CECR2: variants seen among roughly 807,000 people sequenced by gnomAD.
The protein encoded by CECR2 is CECR2 histone acetyl-lysine reader.
Under a neutral mutation model 154.5 loss-of-function variants are expected in CECR2, and 30 were observed. The ratio of observed to expected loss-of-function variants is 0.19; its 90% CI spans 0.15 to 0.26. CECR2 has a LOEUF of 0.26. Among genes scored for constraint, CECR2 ranks in the 10% least tolerant of loss-of-function variants. The pLI is 1.00. For synonymous variants in CECR2, 725 were observed against 683.7 expected, an observed-to-expected ratio of 1.06 and a Z score of -0.94; for missense variants, 1,743 against 1,829.3, an observed-to-expected ratio of 0.95 and a Z score of 0.86.
chr22:17,445,351 G>T (rs2054642784), intron 1 of CECR2, among the ~76,000 whole-genome samples: 1 of 151,964 alleles, frequency 6.6e-6, no homozygotes, highest in African/African-American at 2.4e-5. Flanking sequence ...AATAATAAAT[G>T]AACTCATGAA....
rs376429488 is a variant in CECR2 at position 17,421,471 on chromosome 22, C to T, written c.126+51562C>T. Among the ~76,000 whole-genome samples the T allele has an allele frequency of 4.9e-4, 75 of 151,956 alleles. 2 individuals carry two copies. Among genetic ancestry groups the T allele is most frequent in the African/African-American group, 1.5e-3 (62 of 41,432 alleles). On this transcript the variant is annotated intron_variant, in intron 1 of 18. Coordinates refer to ENST00000262608, the MANE Select transcript of CECR2 (RefSeq NM_001290047.2). ...TCTACTAAAAATACAAAAAATTAGT[C>T]GGGTGTAGTGGCGGGCGCCTGTAGT...
At chr22:17,414,201 T>C (rs905682345) in intron 1 of CECR2, among the ~76,000 whole-genome samples, 3 of 152,068 alleles carry the variant, frequency 2.0e-5, no homozygotes, top group South Asian at 2.1e-4. Flanking sequence ...CTCGATCGCC[T>C]GACCTCGTGA....
intron 14 of CECR2, 141 bp from the exon 15 acceptor site, chr22:17,541,694 GTGTT>G: frequency 9.9e-6 from 9 of 908,266 alleles, no homozygotes; most frequent in Non-Finnish European, 1.3e-5. Context: ...GTGAGCACGT[GTGTT>G]CACAGTCTCC....
chr22:17,374,492 C>T (rs1219072445), intron 1 of CECR2, among the ~76,000 whole-genome samples: 1 of 152,140 alleles, frequency 6.6e-6, no homozygotes, highest in Non-Finnish European at 1.5e-5. Flanking sequence ...CGTGTGTGCA[C>T]TTTGCTGGAG....
At chr22:17,499,288 G>T (rs1045424669) in intron 3 of CECR2, 122 bp from the exon 4 acceptor site, 35 of 1,233,100 alleles carry the variant, frequency 2.8e-5, no homozygotes, top group Middle Eastern at 2.9e-4. Flanking sequence ...CACGCCCAGC[G>T]ATACTTGGGC....
intron 1 of CECR2, among the ~76,000 whole-genome samples, chr22:17,396,509 T>A (rs766321220): frequency 3.9e-5 from 6 of 152,206 alleles, no homozygotes; most frequent in Non-Finnish European, 5.9e-5. Context: ...ATTGCACCAT[T>A]GCACTCCAGC....
intron 8 of CECR2, among the ~76,000 whole-genome samples, chr22:17,512,174 C>T (rs1172521140): frequency 1.3e-5 from 2 of 151,874 alleles, no homozygotes; most frequent in Non-Finnish European, 2.9e-5. Flanking sequence ...GAGCAGTTCA[C>T]AAATGCAAAG....
chr22:17,552,862 A>G lies in CECR2; in HGVS notation c.*22A>G. On this transcript the variant is annotated 3_prime_UTR_variant, in exon 19 of 19. Transcript: ENST00000262608. Reference sequence around the variant, plus strand: ...CTAGTCCAAGGAGGAAATGAGCCCCAAGCAATGGAAAGCTGCACACGAAGA... The same window carrying G: ...CTAGTCCAAGGAGGAAATGAGCCCCGAGCAATGGAAAGCTGCACACGAAGA... The G allele has an allele frequency of 6.5e-7, 1 of 1,546,196 alleles. No homozygotes were observed. Among genetic ancestry groups the G allele is most frequent in the Non-Finnish European group, 8.7e-7 (1 of 1,145,238 alleles).
intron 2 of CECR2, among the ~76,000 whole-genome samples, chr22:17,490,948 AG>A: frequency 6.6e-6 from 1 of 152,284 alleles, no homozygotes; most frequent in South Asian, 2.1e-4. Flanking sequence ...TGAGTGTTGT[AG>A]GCCCATCTTA....
At chr22:17,463,717 C>G (rs1051334552) in intron 1 of CECR2, among the ~76,000 whole-genome samples, 2 of 151,826 alleles carry the variant, frequency 1.3e-5, no homozygotes, top group Admixed American at 1.3e-4. Flanking sequence ...GGGACGGGCA[C>G]TGGGATAAGG....
chr22:17,498,400 A>AG (rs1405744985), intron 3 of CECR2, among the ~76,000 whole-genome samples: 1 of 151,364 alleles, frequency 6.6e-6, no homozygotes, highest in Non-Finnish European at 1.5e-5. Flanking sequence ...TTAAAAAAAA[A>AG]AAAAAGTATA....
At chr22:17,457,714 G>A (rs1425424069) in intron 1 of CECR2, among the ~76,000 whole-genome samples, 1 of 152,162 alleles carries the variant, frequency 6.6e-6, no homozygotes, top group Non-Finnish European at 1.5e-5. Context: ...TACACATAGC[G>A]ATTTTATTTG....
In CECR2 at chr22:17,545,374, C is replaced by CAAAAAAAAAAAA. The variant is rs695493; in HGVS notation, c.2860+2383_2860+2394dup. ...TGGGCGAAACAGCGAGACTCCGTCT[C>CAAAAAAAAAAAA]AAAAAAAAAAAAAAAAAAAAAAAGA... On this transcript the variant is annotated intron_variant, in intron 16 of 18. Coordinates refer to ENST00000262608, the MANE Select transcript of CECR2 (RefSeq NM_001290047.2). 3.9e-3 allele frequency among the ~76,000 whole-genome samples: 179 copies of CAAAAAAAAAAAA among 46,430 alleles called. 12 individuals carry two copies. The highest frequency in any genetic ancestry group is 8.7e-3 in the African/African-American group (96 of 11,098). 30.5% of individuals were successfully genotyped at this position (46,430 alleles called of 152,430 possible).
At chr22:17,486,900 C>T (rs2055431200) in intron 2 of CECR2, among the ~76,000 whole-genome samples, 1 of 152,090 alleles carries the variant, frequency 6.6e-6, no homozygotes, top group African/African-American at 2.4e-5. Flanking sequence ...TGGGCCTCAC[C>T]AGCGTTTCAT....
chr22:17,519,246 C>T (rs900458022), intron 8 of CECR2, among the ~76,000 whole-genome samples: 1 of 151,522 alleles, frequency 6.6e-6, no homozygotes, highest in African/African-American at 2.4e-5. Flanking sequence ...GCCACTGCTC[C>T]TCCACCTCAC....
chr22:17,406,353 T>C (rs2053983955), intron 1 of CECR2, among the ~76,000 whole-genome samples: 1 of 152,186 alleles, frequency 6.6e-6, no homozygotes, highest in East Asian at 1.9e-4. Flanking sequence ...AAACCCCGTC[T>C]CTACTAAAAA....
At chr22:17,519,087 C>T (rs1338246338) in intron 8 of CECR2, 2 of 156,558 alleles carry the variant, frequency 1.3e-5, no homozygotes, top group African/African-American at 2.4e-5. Context: ...CATTTTTAAG[C>T]CTTTGTCAGT....
chr22:17,509,371 T>C (rs1366776868), intron 7 of CECR2, among the ~76,000 whole-genome samples: 1 of 152,068 alleles, frequency 6.6e-6, no homozygotes, highest in African/African-American at 2.4e-5. Context: ...GACACTCCCC[T>C]GTCCTGTCCC....
At chr22:17,500,796 T>C in intron 5 of CECR2, 61 bp downstream of exon 5, 1 of 1,184,874 alleles carries the variant, frequency 8.4e-7, no homozygotes, top group South Asian at 1.5e-5. Flanking sequence ...AATTCATTTA[T>C]TCCTTTTTCT....
Sources: allele counts gnomAD v4.1 joint callset (sites outside exome capture counted in the v4.1 genomes callset), GRCh38; gene constraint gnomAD v4.1.1; transcripts MANE v1.5; gene names NCBI Gene and HGNC (gene_info 2026-07-23, HGNC 2026-07-21).